Variants in APOO observed in about 807,000 individuals in gnomAD.
The protein encoded by APOO is MICOS complex subunit MIC26.
A neutral mutation model predicts 23.1 loss-of-function variants in APOO; 11 were observed. The ratio of observed to expected loss-of-function variants is 0.48; its 90% confidence interval spans 0.30 to 0.79. APOO has a LOEUF of 0.79. Among genes scored for constraint, APOO ranks in the 30% least tolerant of loss-of-function variants. The pLI, the probability that APOO is intolerant of heterozygous loss-of-function variation, is 0.07. For synonymous variants in APOO, 59 were observed against 54.8 expected (o/e 1.08, Z -0.34); for missense variants, 160 against 142.7 (o/e 1.12, Z -0.62).
At chrX:23,901,983 A>C (rs1446096794) in intron 1 of APOO, among the ~76,000 whole-genome samples, 1 of 111,760 alleles carries the variant, frequency 8.9e-6, no homozygotes, top group African/African-American at 3.3e-5. Flanking sequence ...CCTAGCTCCA[A>C]AGATCAGCAT....
chrX:23,854,098 C>T (rs1191268643), intron 7 of APOO, among the ~76,000 whole-genome samples: 1 of 112,480 alleles, frequency 8.9e-6, no homozygotes, highest in Non-Finnish European at 1.9e-5. Context: ...AAAATCTTTA[C>T]CACCTCACTC....
chrX:23,859,850 TAA>T (rs767717306), intron 5 of APOO, among the ~76,000 whole-genome samples: 1 of 111,643 alleles, frequency 9.0e-6, no homozygotes. Flanking sequence ...TTTTTTTCCC[TAA>T]GAGAGCAGAA....
chrX:23,861,559 C>CAAAAAA (rs1344776442), intron 5 of APOO, among the ~76,000 whole-genome samples: 1 of 39,071 alleles, frequency 2.6e-5, no homozygotes, highest in African/African-American at 9.1e-5. Flanking sequence ...GATCCTGTCT[C>CAAAAAA]AAAAAAAAAA....
intron 1 of APOO, among the ~76,000 whole-genome samples, chrX:23,885,389 T>TTATA (rs745832909): frequency 9.5e-6 from 1 of 104,852 alleles, no homozygotes; most frequent in African/African-American, 3.5e-5. Context: ...AATATATATA[T>TTATA]TATATATATA....
rs1470797933 is a variant in APOO, at chrX:23,868,494, C to T, written c.388+99G>A. 1.1e-5 allele frequency: 7 copies of T among 646,748 alleles called. No homozygotes were observed. The East Asian group carries it at 2.3e-4, about 22-fold the overall frequency. The allele number at this position is 646,748 out of a possible 1,213,427, so 53.3% of individuals were successfully genotyped here. Reference sequence around the variant, plus strand: ...TAAGAAAGCCGTATTTAGGAACCAACTCATTATTCTGAAACCTGGTAAATG... The same window carrying T: ...TAAGAAAGCCGTATTTAGGAACCAATTCATTATTCTGAAACCTGGTAAATG... On this transcript the variant is annotated intron_variant, in intron 5 of 8. Transcript: ENST00000379226.
intron 7 of APOO, among the ~76,000 whole-genome samples, chrX:23,841,175 G>A (rs909339608): frequency 4.5e-5 from 5 of 111,506 alleles, no homozygotes; most frequent in Non-Finnish European, 9.4e-5. Context: ...CCCTCTTTCA[G>A]AGTTATTCAT....
At chrX:23,847,695 A>C (rs1308606473) in intron 7 of APOO, among the ~76,000 whole-genome samples, 1 of 107,677 alleles carries the variant, frequency 9.3e-6, no homozygotes, top group East Asian at 2.9e-4. Flanking sequence ...GAGTGGTACG[A>C]ACACAGCGCT....
chrX:23,888,258 G>A (rs1051960358), intron 1 of APOO, among the ~76,000 whole-genome samples: 2 of 112,302 alleles, frequency 1.8e-5, no homozygotes, highest in Non-Finnish European at 3.8e-5. Flanking sequence ...TAAAGGGGTA[G>A]GCTGTCATCA....
chrX:23,888,253 G>A, intron 1 of APOO, among the ~76,000 whole-genome samples: 1 of 112,158 alleles, frequency 8.9e-6, no homozygotes, highest in East Asian at 2.8e-4. Flanking sequence ...AAGTGTAAAG[G>A]GGTAGGCTGT....
At chrX:23,845,935 G>A (rs1193548445) in intron 7 of APOO, among the ~76,000 whole-genome samples, 1 of 111,750 alleles carries the variant, frequency 8.9e-6, no homozygotes, top group Non-Finnish European at 1.9e-5. Flanking sequence ...ATAGTAATTT[G>A]TTGCATTAAA....
chrX:23,892,684 C>T (rs909589330), intron 1 of APOO, among the ~76,000 whole-genome samples: 2 of 105,964 alleles, frequency 1.9e-5, no homozygotes, highest in African/African-American at 6.9e-5. Context: ...AGGAGAATGG[C>T]GTGAACCTGG....
intron 5 of APOO, among the ~76,000 whole-genome samples, chrX:23,864,435 T>C (rs1416603298): frequency 9.0e-6 from 1 of 111,188 alleles, no homozygotes; most frequent in African/African-American, 3.3e-5. Flanking sequence ...CCCAAGTAGC[T>C]GGGATTACAG....
chrX:23,834,302 A>G (rs935993331), intron 8 of APOO, among the ~76,000 whole-genome samples: 5 of 105,956 alleles, frequency 4.7e-5, no homozygotes, highest in Non-Finnish European at 7.7e-5. Context: ...AGGCTGAGGC[A>G]GTAGAATTGC....
chrX:23,895,870 T>A (rs1400333810), intron 1 of APOO, among the ~76,000 whole-genome samples: 1 of 108,853 alleles, frequency 9.2e-6, no homozygotes. Flanking sequence ...AAATGGCATT[T>A]TTTTTAAAAA....
intron 1 of APOO, among the ~76,000 whole-genome samples, chrX:23,906,742 GAGGT>G (rs908409674): frequency 1.6e-3 from 177 of 112,220 alleles, no homozygotes; most frequent in African/African-American, 5.4e-3. Context: ...ACAACCCTAT[GAGGT>G]AGATGTTATT....
chrX:23,903,567 A>G (rs1298678571), intron 1 of APOO, among the ~76,000 whole-genome samples: 2 of 111,577 alleles, frequency 1.8e-5, no homozygotes, highest in East Asian at 5.6e-4. Context: ...ACTAAGTTAC[A>G]TGCATAAGTC....
chrX:23,874,588 A>G, intron 3 of APOO, 131 bp from the exon 4 acceptor site: 1 of 531,286 alleles, frequency 1.9e-6, no homozygotes, highest in South Asian at 3.3e-5. Context: ...AAAGGGATAC[A>G]CTGTCTGTCT....
At chrX:23,861,864 C>T (rs1330323274) in intron 5 of APOO, among the ~76,000 whole-genome samples, 7 of 98,958 alleles carry the variant, frequency 7.1e-5, no homozygotes, top group Admixed American at 1.2e-4. Flanking sequence ...AGTGCAGTGG[C>T]GTGATCTCAG....
At chrX:23,844,849 T>C in intron 7 of APOO, among the ~76,000 whole-genome samples, 1 of 112,751 alleles carries the variant, frequency 8.9e-6, no homozygotes, top group East Asian at 2.8e-4. Flanking sequence ...TTCCATTTTC[T>C]ATCAGTGGAC....
Sources: gnomAD v4.1 joint callset for allele counts (sites outside exome capture counted in the v4.1 genomes callset) on GRCh38, gnomAD v4.1.1 for gene constraint, MANE v1.5 for transcripts, NCBI Gene and HGNC (gene_info 2026-07-23, HGNC 2026-07-21) for gene names.